Variants in PIP5K1B observed in about 807,000 individuals in gnomAD.
PIP5K1B encodes phosphatidylinositol-4-phosphate 5-kinase type 1 beta.
A neutral mutation model predicts 67.0 loss-of-function variants in PIP5K1B; 42 were observed. That is an observed-to-expected ratio of 0.63 (90% CI 0.49 to 0.81). The LOEUF is 0.81. Ranked by LOEUF, PIP5K1B falls within the 30% of genes least tolerant of loss-of-function variation. The probability of loss-of-function intolerance (pLI) is 0.00; values close to 1 mark genes in which losing one functional copy is unlikely to be tolerated. For synonymous variants in PIP5K1B, 214 were observed against 231.4 expected (o/e 0.92, Z 0.68); for missense variants, 459 against 646.3 (o/e 0.71, Z 3.14).
At chr9:68,876,917 C>A in intron 6 of PIP5K1B, 123 bp downstream of exon 6, 1 of 592,902 alleles carries the variant, frequency 1.7e-6, no homozygotes, top group Non-Finnish European at 3.0e-6. Context: ...AGTAAAAGTT[C>A]CAAGTTTTAT....
At chr9:68,961,216 CAAAA>C (rs544251006) in intron 14 of PIP5K1B, among the ~76,000 whole-genome samples, 1 of 56,326 alleles carries the variant, frequency 1.8e-5, no homozygotes, top group Non-Finnish European at 3.4e-5. Context: ...GACTCCGTCT[CAAAA>C]AAAAAAAAAA....
At chr9:68,810,790 G>A (rs1409159847) in intron 2 of PIP5K1B, among the ~76,000 whole-genome samples, 1 of 152,086 alleles carries the variant, frequency 6.6e-6, no homozygotes, top group Non-Finnish European at 1.5e-5. Context: ...CTGGGTTGAG[G>A]CTTACTGATG....
intron 5 of PIP5K1B, among the ~76,000 whole-genome samples, chr9:68,873,129 G>A (rs1047373604): frequency 1.3e-5 from 2 of 151,350 alleles, no homozygotes; most frequent in Non-Finnish European, 2.9e-5. Context: ...CATCACAGTC[G>A]TGGATTTTCA....
At chr9:68,819,462 G>A (rs532736182) in intron 3 of PIP5K1B, among the ~76,000 whole-genome samples, 4 of 152,058 alleles carry the variant, frequency 2.6e-5, no homozygotes, top group African/African-American at 9.7e-5. Context: ...TTATAGAGAT[G>A]AGTTCTCACT....
rs5898051 is a variant in PIP5K1B, at chr9:68,920,359, CTTTTTTT to C, written c.1116+650_1116+656del. On this transcript the variant is annotated intron_variant, in intron 11 of 15. Coordinates refer to ENST00000265382, the MANE Select transcript of PIP5K1B (RefSeq NM_003558.4). ...ATACATGCTGGCTGCCTGAGGTTGTCTTTTTTTTTTTTTTTTTTTTTTTTTTGAGATG... is the reference window on the plus strand; with the variant it reads ...ATACATGCTGGCTGCCTGAGGTTGTCTTTTTTTTTTTTTTTTTTTGAGATG... Among the ~76,000 whole-genome samples, 11 of 98,308 alleles carry C rather than the reference CTTTTTTT, an allele frequency of 1.1e-4. 1 individual carries two copies. The highest frequency in any genetic ancestry group is 3.6e-4 in the Admixed American group (3 of 8,288). The allele number at this position is 98,308 out of a possible 152,430, so 64.5% of individuals were successfully genotyped here.
At chr9:68,746,177 C>G (rs986027866) in intron 2 of PIP5K1B, among the ~76,000 whole-genome samples, 1 of 148,402 alleles carries the variant, frequency 6.7e-6, no homozygotes, top group African/African-American at 2.5e-5. Context: ...CTCCCGGGTT[C>G]ATGCTACTCT....
intron 4 of PIP5K1B, among the ~76,000 whole-genome samples, chr9:68,861,362 C>T (rs1383874981): frequency 1.3e-5 from 2 of 152,148 alleles, no homozygotes; most frequent in African/African-American, 2.4e-5. Flanking sequence ...GGGACATGAC[C>T]GTCATCTGTT....
chr9:68,836,017 T>A (rs560146206), intron 4 of PIP5K1B, among the ~76,000 whole-genome samples: 16 of 152,074 alleles, frequency 1.1e-4, no homozygotes, highest in Admixed American at 2.0e-4. Context: ...CAATAGAGTT[T>A]TTCTGGGCAG....
chr9:68,930,631 A>T (rs762031833), intron 12 of PIP5K1B, among the ~76,000 whole-genome samples: 9 of 151,930 alleles, frequency 5.9e-5, no homozygotes, highest in Non-Finnish European at 1.3e-4. Flanking sequence ...GTGGCCCCAA[A>T]CAGGTCTCTT....
chr9:68,741,660 A>C (rs1175483113), intron 1 of PIP5K1B: 1 of 152,166 alleles, frequency 6.6e-6, no homozygotes, highest in Non-Finnish European at 1.5e-5. Flanking sequence ...GATGGAGCTG[A>C]CTCTAAGCAA....
chr9:68,889,901 G>A (rs1357343768), intron 7 of PIP5K1B, among the ~76,000 whole-genome samples: 2 of 152,166 alleles, frequency 1.3e-5, no homozygotes, highest in Admixed American at 6.5e-5. Context: ...TTCATGGATT[G>A]CTTACTACAT....
chr9:68,824,217 G>A (rs1833871908), intron 4 of PIP5K1B: 1 of 518,922 alleles, frequency 1.9e-6, no homozygotes, highest in South Asian at 1.4e-5. Context: ...TCAGTTTCAG[G>A]TGGTATTCTC....
At chr9:68,920,659 C>T (rs926389250) in intron 11 of PIP5K1B, among the ~76,000 whole-genome samples, 24 of 151,908 alleles carry the variant, frequency 1.6e-4, no homozygotes, top group African/African-American at 5.3e-4. Flanking sequence ...TGAGCCACTG[C>T]GCCCAGCCAA....
In PIP5K1B at chr9:68,940,685, C is replaced by T. The variant is rs755796917; in HGVS notation, c.1397C>T (p.Thr466Ile). The change falls in exon 14 of 16, where the codon ACT (threonine) becomes ATT (isoleucine). Residue 466 changes from threonine (T) to isoleucine (I), a missense_variant. Thr to Ile is a moderately conservative substitution (Grantham distance 89). Transcript: ENST00000265382. ...SRHRPDLVPS[T>I]PSLFEAASLA... ...CACAGGCCAGACCTGGTCCCTAGCACTCCATCACTGTTTGAAGCTGCTTCC... is the reference window on the plus strand; with the variant it reads ...CACAGGCCAGACCTGGTCCCTAGCATTCCATCACTGTTTGAAGCTGCTTCC... The T allele has an allele frequency of 1.5e-5, 24 of 1,614,040 alleles. No homozygotes were observed. The East Asian group carries it at 4.0e-4, about 27-fold the overall frequency.
rs755690337 is a variant in PIP5K1B at position 68,894,365 on chromosome 9, T to G, written c.498T>G (p.Leu166=). 2.5e-6 allele frequency: 4 copies of G among 1,607,302 alleles called. No individual in the cohort carries two copies. Among genetic ancestry groups the G allele is most frequent in the Non-Finnish European group, 3.4e-6 (4 of 1,176,680 alleles). ...YMNLNQNPRT[L]LPKFYGLYCM... ...ATTTAAACCAGAATCCAAGGACTCT[T>G]TTGCCAAAATTTTACGGACTGTATT... The change falls in exon 8 of 16, where the codon CTT becomes CTG. Residue 166 remains leucine, a synonymous_variant. Transcript: ENST00000265382.
chr9:68,803,947 G>A (rs1186541136), intron 2 of PIP5K1B, among the ~76,000 whole-genome samples: 3 of 152,300 alleles, frequency 2.0e-5, no homozygotes, highest in African/African-American at 4.8e-5. Context: ...GAGAAGTTGA[G>A]GAAGGTCATG....
intron 14 of PIP5K1B, among the ~76,000 whole-genome samples, chr9:68,969,031 T>C (rs1829200621): frequency 6.6e-6 from 1 of 152,192 alleles, no homozygotes; most frequent in Admixed American, 6.5e-5. Flanking sequence ...ATGTGCTTCA[T>C]GTGTGCAACT....
At chr9:68,735,197 C>T (rs11789971) in intron 1 of PIP5K1B, among the ~76,000 whole-genome samples, 78,081 of 151,740 alleles carry the variant, frequency 0.51, 21,115 homozygotes, top group Middle Eastern at 0.65. Context: ...CTTATATACC[C>T]CATACCAGTT....
chr9:68,796,305 T>G (rs1832290468), intron 2 of PIP5K1B, among the ~76,000 whole-genome samples: 1 of 72,950 alleles, frequency 1.4e-5, no homozygotes, highest in African/African-American at 5.1e-5. Flanking sequence ...TTTAGTTTGT[T>G]TTCAATTTTT....
Sources: allele counts gnomAD v4.1 joint callset (sites outside exome capture counted in the v4.1 genomes callset), GRCh38; gene constraint gnomAD v4.1.1; transcripts MANE v1.5; gene names NCBI Gene and HGNC (gene_info 2026-07-23, HGNC 2026-07-21).